Variants in PATJ observed in about 807,000 individuals in gnomAD.
PATJ encodes PATJ crumbs cell polarity complex component.
In PATJ, 190 loss-of-function variants were observed where a neutral mutation model predicts 224.9. The ratio of observed to expected loss-of-function variants is 0.84; its 90% CI spans 0.75 to 0.95. The LOEUF (loss-of-function observed/expected upper bound fraction) is 0.95, where lower values mean the gene tolerates loss of function less well. Among genes scored for constraint, PATJ ranks in the 40% least tolerant of loss-of-function variants. The probability of loss-of-function intolerance (pLI) is 0.00; values close to 1 mark genes in which losing one functional copy is unlikely to be tolerated. For missense variants in PATJ, 2,121 were observed against 2,270.3 expected (o/e 0.93, Z 1.34); for synonymous variants, 769 against 820.3 (o/e 0.94, Z 1.07).
rs1668811392 is a variant in PATJ at position 62,153,233 on chromosome 1, T to C, written c.5379-125T>C. On this transcript the variant is annotated intron_variant, in intron 42 of 43. Coordinates refer to ENST00000642238, the MANE Select transcript of PATJ (RefSeq NM_001350145.3). ...TCTAGATTGCTTTCTGAGAGTTTGATCTGATAAACCAAACTTCATAGTTTT... is the reference window on the plus strand; with the variant it reads ...TCTAGATTGCTTTCTGAGAGTTTGACCTGATAAACCAAACTTCATAGTTTT... 5 of 647,810 alleles carry C rather than the reference T, an allele frequency of 7.7e-6. No homozygotes were observed. The South Asian group carries it at 2.5e-4, about 33-fold the overall frequency. 40.1% of individuals were successfully genotyped at this position (647,810 alleles called of 1,614,324 possible). A position where few individuals can be genotyped will look rare whatever the true frequency, so the allele number is the denominator to read the frequency against.
At chr1:61,852,396 T>C (rs1465424026) in intron 17 of PATJ, 1 of 152,096 alleles carries the variant, frequency 6.6e-6, no homozygotes, top group African/African-American at 2.4e-5. Flanking sequence ...AAAGAAGAAA[T>C]ATTAGAGATT....
intron 17 of PATJ, among the ~76,000 whole-genome samples, chr1:61,847,030 A>G (rs1041662297): frequency 3.3e-5 from 5 of 152,214 alleles, no homozygotes; most frequent in Non-Finnish European, 4.4e-5. Flanking sequence ...CAACTAGCAA[A>G]AGTCCTGGAC....
Position 62,018,013 on chromosome 1 carries a change from C to T in PATJ, c.3959+66C>T. 1.2e-6 allele frequency: 1 copy of T among 818,774 alleles called. No homozygotes were observed. Among genetic ancestry groups the T allele is most frequent in the Non-Finnish European group, 2.1e-6 (1 of 470,794 alleles). 50.7% of individuals were successfully genotyped at this position (818,774 alleles called of 1,614,324 possible). A position where few individuals can be genotyped will look rare whatever the true frequency, so the allele number is the denominator to read the frequency against. On this transcript the variant is annotated intron_variant, in intron 29 of 43. Coordinates refer to ENST00000642238, the MANE Select transcript of PATJ (RefSeq NM_001350145.3). The surrounding 1 kb of genome is among the most constrained non-coding windows in gnomAD (Gnocchi z 4.2). ...TTCTGAAGATGTTATTAGTGTAAGA[C>T]TATGTCATCTTTGATTTGTCTAGCG... is the stretch of plus-strand genomic sequence containing the variant.
At position 61,823,001 on chromosome 1, in the gene PATJ, C is replaced by T; in HGVS notation, c.1740C>T (p.His580=). The change falls in exon 15 of 44, where the codon CAC becomes CAT. Residue 580 remains histidine, a synonymous_variant. Coordinates refer to ENST00000642238, the MANE Select transcript of PATJ (RefSeq NM_001350145.3). ...TGGAAGTGGATTCCTTTGATGGGCA[C>T]CATTATATTTCTTCAATTGTTTCTG... ...LGVEVDSFDG[H]HYISSIVSGG... 1.9e-6 allele frequency: 3 copies of T among 1,613,988 alleles called. No individual in the cohort carries two copies. Among genetic ancestry groups the T allele is most frequent in the Non-Finnish European group, 1.7e-6 (2 of 1,179,926 alleles).
intron 14 of PATJ, among the ~76,000 whole-genome samples, chr1:61,809,461 C>T (rs1197354867): frequency 6.6e-6 from 1 of 150,840 alleles, no homozygotes; most frequent in Non-Finnish European, 1.5e-5. Flanking sequence ...AATCTTGGCT[C>T]ACCGCAACCT....
chr1:62,128,973 GT>G, intron 41 of PATJ, 28 bp downstream of exon 41: 2 of 1,447,748 alleles, frequency 1.4e-6, no homozygotes, highest in Non-Finnish European at 1.9e-6. Flanking sequence ...GCACGCAGCT[GT>G]GCAAGGCAGA....
At chr1:62,149,324 C>T (rs1421842129) in intron 42 of PATJ, among the ~76,000 whole-genome samples, 1 of 152,060 alleles carries the variant, frequency 6.6e-6, no homozygotes, top group Non-Finnish European at 1.5e-5. Context: ...AAAGCTATTC[C>T]TCTCAGGTAC....
chr1:62,139,739 A>G (rs973067098), intron 41 of PATJ, among the ~76,000 whole-genome samples: 4 of 151,928 alleles, frequency 2.6e-5, no homozygotes, highest in African/African-American at 9.7e-5. Flanking sequence ...TAGAGCTGTA[A>G]AGTCTAAAAG....
At chr1:61,868,004 A>T (rs1312781063) in intron 20 of PATJ, among the ~76,000 whole-genome samples, 2 of 152,226 alleles carry the variant, frequency 1.3e-5, no homozygotes, top group Non-Finnish European at 2.9e-5. Flanking sequence ...TTGGGGCTAT[A>T]GATGTCAGCT....
chr1:62,119,920 G>A (rs754716837), intron 37 of PATJ, among the ~76,000 whole-genome samples: 2 of 152,122 alleles, frequency 1.3e-5, no homozygotes, highest in African/African-American at 4.8e-5. Context: ...CTACAGCCTG[G>A]GTGACAGAGG....
chr1:61,886,990 AT>A, intron 22 of PATJ, among the ~76,000 whole-genome samples: 1 of 151,518 alleles, frequency 6.6e-6, no homozygotes, highest in Admixed American at 6.6e-5. Context: ...CAAAAAAAAA[AT>A]ACATGTTACT....
chr1:62,121,457 A>G (rs1254920172), intron 38 of PATJ, among the ~76,000 whole-genome samples, 162 bp downstream of exon 38: 4 of 152,114 alleles, frequency 2.6e-5, no homozygotes, highest in Non-Finnish European at 5.9e-5. Context: ...TGAAGGTAGG[A>G]AAGCCATAGA....
intron 21 of PATJ, among the ~76,000 whole-genome samples, chr1:61,877,811 G>A (rs1667539939): frequency 6.6e-6 from 1 of 152,112 alleles, no homozygotes; most frequent in African/African-American, 2.4e-5. Flanking sequence ...TTAAATCCTA[G>A]AGCATTTATT....
At chr1:61,846,422 A>T (rs189000959) in intron 17 of PATJ, among the ~76,000 whole-genome samples, 138 of 152,350 alleles carry the variant, frequency 9.1e-4, no homozygotes, top group African/African-American at 3.2e-3. Context: ...CCTGCATCAT[A>T]ATACAGTTTC....
intron 4 of PATJ, 71 bp downstream of exon 4, chr1:61,766,544 A>G: frequency 1.9e-6 from 2 of 1,056,104 alleles, no homozygotes; most frequent in Non-Finnish European, 2.7e-6. Context: ...AGGAGCTTAT[A>G]CTCATTCTTT....
intron 27 of PATJ, among the ~76,000 whole-genome samples, chr1:61,987,258 T>C (rs964906321): frequency 6.6e-6 from 1 of 152,148 alleles, no homozygotes; most frequent in Non-Finnish European, 1.5e-5. Context: ...TGAAGTTTCT[T>C]TTATGGCCCA....
chr1:61,991,844 T>A, intron 28 of PATJ: 1 of 553,000 alleles, frequency 1.8e-6, no homozygotes, highest in Non-Finnish European at 2.3e-6. Context: ...GAGACAAAAG[T>A]GATGCTGGTA....
intron 20 of PATJ, among the ~76,000 whole-genome samples, chr1:61,867,136 G>A (rs1363234566): frequency 6.6e-6 from 1 of 152,136 alleles, no homozygotes; most frequent in Non-Finnish European, 1.5e-5. Context: ...GACTTAGAAT[G>A]CCTTAACCAT....
chr1:61,871,555 ATATTTTT>A (rs1369810811), intron 20 of PATJ, among the ~76,000 whole-genome samples: 42 of 58,080 alleles, frequency 7.2e-4, no homozygotes, highest in African/African-American at 2.6e-3. Context: ...ATATATATAT[ATATTTTT>A]TTTTTTTTTT....
Sources: allele counts gnomAD v4.1 joint callset (sites outside exome capture counted in the v4.1 genomes callset), GRCh38; gene constraint gnomAD v4.1.1; non-coding constraint Gnocchi (gnomAD v3.1); transcripts MANE v1.5; gene names NCBI Gene and HGNC (gene_info 2026-07-23, HGNC 2026-07-21).